Variants in ELOVL5 observed in about 807,000 individuals in gnomAD.
ELOVL5 encodes the protein ELOVL fatty acid elongase 5, also known as very long chain fatty acid elongase 5.
In ELOVL5, 8 loss-of-function variants were observed where a neutral mutation model predicts 38.6. The ratio of observed to expected loss-of-function variants is 0.21; its 90% confidence interval spans 0.12 to 0.37. ELOVL5 has a LOEUF of 0.37. Ranked by LOEUF, ELOVL5 falls within the 10% of genes least tolerant of loss-of-function variation. The pLI, the probability that ELOVL5 is intolerant of heterozygous loss-of-function variation, is 1.00. For synonymous variants in ELOVL5, 127 were observed against 133.7 expected, an observed-to-expected ratio of 0.95 and a Z score of 0.34; for missense variants, 280 against 367.8, an observed-to-expected ratio of 0.76 and a Z score of 1.95.
intron 1 of ELOVL5, among the ~76,000 whole-genome samples, chr6:53,316,607 G>C (rs1319091215): frequency 6.6e-6 from 1 of 151,984 alleles, no homozygotes; most frequent in Non-Finnish European, 1.5e-5. Context: ...AAAAACGACT[G>C]CAAGAGTCCA....
intron 1 of ELOVL5, among the ~76,000 whole-genome samples, chr6:53,312,741 T>A (rs1036495546): frequency 9.9e-5 from 15 of 152,188 alleles, no homozygotes; most frequent in African/African-American, 3.4e-4. Flanking sequence ...TTCAATTTTT[T>A]AAAAAAATCT....
intron 3 of ELOVL5, 151 bp downstream of exon 3, chr6:53,291,625 T>A (rs560422683): frequency 1.2e-5 from 6 of 483,820 alleles, no homozygotes; most frequent in Non-Finnish European, 2.2e-5. Context: ...AAAAATCGAT[T>A]TTAAAACACA....
rs560730457 is a variant in ELOVL5 at position 53,304,848 on chromosome 6, A to G, written c.-8-9141T>C. 2.2e-4 allele frequency among the ~76,000 whole-genome samples: 34 copies of G among 152,282 alleles called. 1 individual carries two copies. The highest frequency in any genetic ancestry group is 8.2e-4 in the African/African-American group (34 of 41,544). ...CTTCTTTCTACACAGCACAGCAACC[A>G]ACCGATTTCTCAATCTTTTCCCCAC... is the stretch of plus-strand genomic sequence containing the variant. On this transcript the variant is annotated intron_variant, in intron 1 of 7. Transcript: ENST00000304434.
At chr6:53,328,243 A>G (rs1308086063) in intron 1 of ELOVL5, among the ~76,000 whole-genome samples, 1 of 152,208 alleles carries the variant, frequency 6.6e-6, no homozygotes, top group Non-Finnish European at 1.5e-5. Flanking sequence ...AGTTGTATTA[A>G]CCACATTTCA....
At chr6:53,347,499 A>C (rs1769604415) in intron 1 of ELOVL5, among the ~76,000 whole-genome samples, 1 of 152,238 alleles carries the variant, frequency 6.6e-6, no homozygotes, top group Non-Finnish European at 1.5e-5. Flanking sequence ...AAGCAAAACA[A>C]GTGCAGACCA....
At position 53,275,203 on chromosome 6, in the gene ELOVL5, A is replaced by G. The variant is rs1490616181; in HGVS notation, c.383T>C (p.Phe128Ser). 3.1e-6 allele frequency: 5 copies of G among 1,614,074 alleles called. No individual in the cohort carries two copies. Among genetic ancestry groups the G allele is most frequent in the Non-Finnish European group, 4.2e-6 (5 of 1,180,032 alleles). ...GTTGTTCTTGCGCAGGATGAAGAAG[A>G]AAGTGTCCATAAATTCTATGAGTTT... ...FSKLIEFMDT[F>S]FFILRKNNHQ... The change falls in exon 5 of 8, where the codon TTC (phenylalanine) becomes TCC (serine). Residue 128 changes from phenylalanine (F) to serine (S), a missense_variant. Physicochemically the swap from Phe to Ser is radical, Grantham distance 155. This residue lies in a region of ELOVL5 where 150 missense variants were observed against 178.0 expected (regional missense o/e 0.84). Transcript: ENST00000304434.
chr6:53,310,983 A>G lies in ELOVL5; in HGVS notation c.-8-15276T>C, dbSNP rs189383230. Among the ~76,000 whole-genome samples the G allele has an allele frequency of 8.6e-4, 131 of 152,308 alleles. 2 individuals are homozygous for G. Among genetic ancestry groups the G allele is most frequent in the Admixed American group, 6.3e-3 (96 of 15,302 alleles). On this transcript the variant is annotated intron_variant, in intron 1 of 7. Transcript: ENST00000304434. ...AAAGGATTCTGCAAATTTCTGTTCC[A>G]AAATAGCAACTGAGTCCACAAACGA...
At chr6:53,310,038 A>G (rs1767766166) in intron 1 of ELOVL5, among the ~76,000 whole-genome samples, 1 of 152,222 alleles carries the variant, frequency 6.6e-6, no homozygotes. Context: ...TAACAAGGTC[A>G]GTGGGGCTGG....
intron 1 of ELOVL5, among the ~76,000 whole-genome samples, chr6:53,346,253 T>C (rs1007572594): frequency 8.5e-5 from 13 of 152,222 alleles, no homozygotes; most frequent in South Asian, 2.1e-4. Flanking sequence ...ATCTTTTTTA[T>C]GGCTGCATAG....
At chr6:53,340,645 TCAGTA>T (rs954708820) in intron 1 of ELOVL5, among the ~76,000 whole-genome samples, 2 of 152,256 alleles carry the variant, frequency 1.3e-5, no homozygotes, top group African/African-American at 4.8e-5. Flanking sequence ...GCTACAGTAT[TCAGTA>T]CAGTAACTTG....
intron 5 of ELOVL5, 32 bp downstream of exon 5, chr6:53,275,058 C>T: frequency 1.9e-6 from 3 of 1,608,068 alleles, no homozygotes; most frequent in Non-Finnish European, 2.6e-6. Context: ...CTGCTCACAC[C>T]TGTTCCCCAA....
At chr6:53,269,450 CTTTT>C (rs3215545) in intron 7 of ELOVL5, among the ~76,000 whole-genome samples, 180 bp from the exon 8 acceptor site, 1 of 147,344 alleles carries the variant, frequency 6.8e-6, no homozygotes, top group Non-Finnish European at 1.5e-5. Context: ...ATCATTCTTC[CTTTT>C]TTTTTTTGAG....
At chr6:53,276,100 G>C (rs547741012) in intron 4 of ELOVL5, 79 bp downstream of exon 4, 1 of 987,578 alleles carries the variant, frequency 1.0e-6, no homozygotes, top group East Asian at 2.6e-5. Flanking sequence ...TGAGGTTATG[G>C]GCCATTTTGT....
intron 3 of ELOVL5, among the ~76,000 whole-genome samples, chr6:53,282,319 T>C (rs1281947875): frequency 6.6e-6 from 1 of 152,152 alleles, no homozygotes; most frequent in Non-Finnish European, 1.5e-5. Flanking sequence ...ATCTGTAGAG[T>C]GATGTGCTCC....
chr6:53,329,188 ACTACTACTACTG>A (rs1768678448), intron 1 of ELOVL5, among the ~76,000 whole-genome samples: 4 of 131,894 alleles, frequency 3.0e-5, no homozygotes, highest in Admixed American at 2.1e-4. Context: ...ACTAACTACT[ACTACTACTACTG>A]CTACTGCTAC....
intron 1 of ELOVL5, among the ~76,000 whole-genome samples, chr6:53,316,980 T>G (rs1251432621): frequency 6.6e-6 from 1 of 152,242 alleles, no homozygotes; most frequent in African/African-American, 2.4e-5. Flanking sequence ...TGTACTGACA[T>G]GTTCTCTTAC....
intron 1 of ELOVL5, 24 bp downstream of exon 1, chr6:53,348,793 G>A: frequency 2.2e-6 from 1 of 454,008 alleles, no homozygotes. Context: ...CCCCGACGAA[G>A]TTTCCCGGAG....
At chr6:53,273,460 A>G in intron 5 of ELOVL5, 116 bp from the exon 6 acceptor site, 1 of 952,172 alleles carries the variant, frequency 1.1e-6, no homozygotes, top group South Asian at 1.6e-5. Context: ...ATGACTTCCA[A>G]CGGAGCTGAC....
At chr6:53,280,150 A>C (rs1207852716) in intron 3 of ELOVL5, among the ~76,000 whole-genome samples, 1 of 152,232 alleles carries the variant, frequency 6.6e-6, no homozygotes, top group African/African-American at 2.4e-5. Flanking sequence ...GAGAGGACCC[A>C]GTAGGCTGGA....
Sources: gnomAD v4.1 joint callset for allele counts (sites outside exome capture counted in the v4.1 genomes callset) on GRCh38, gnomAD v4.1.1 for gene constraint, gnomAD v4.1.1 regional missense constraint, MANE v1.5 for transcripts, NCBI Gene and HGNC (gene_info 2026-07-23, HGNC 2026-07-21) for gene names.